The following SLAIN2 variants were observed in gnomAD, a reference collection of about 807,000 sequenced individuals.
The protein encoded by SLAIN2 is SLAIN motif-containing protein 2.
In SLAIN2, 31 loss-of-function variants were observed where a neutral mutation model predicts 56.6. The observed-to-expected ratio is 0.55, with a 90% CI of 0.41 to 0.74. The LOEUF (loss-of-function observed/expected upper bound fraction) is 0.74. Among genes scored for constraint, SLAIN2 ranks in the 30% least tolerant of loss-of-function variants. SLAIN2 has a pLI of 0.00. For synonymous variants in SLAIN2, 317 were observed against 284.9 expected (o/e 1.11, Z -1.13); for missense variants, 777 against 754.2 (o/e 1.03, Z -0.35).
At position 48,342,063 on chromosome 4, in the gene SLAIN2, G is replaced by C; in HGVS notation, c.324G>C (p.Glu108Asp). ...LAAGEGGLLD[E>D]VEPLRPDELE... ...CGGGCGAGGGCGGCTTGCTGGACGAGGTGGAGCCGCTGCGGCCCGACGAGC... is the reference window on the plus strand; with the variant it reads ...CGGGCGAGGGCGGCTTGCTGGACGACGTGGAGCCGCTGCGGCCCGACGAGC... Residue 108 changes from glutamate (E) to aspartate (D), a missense_variant, in exon 1 of 8, where the codon GAG (glutamate) becomes GAC (aspartate). Glu to Asp is a conservative substitution (Grantham distance 45). Coordinates refer to ENST00000264313, the MANE Select transcript of SLAIN2 (RefSeq NM_020846.2). 1 of 1,382,112 alleles carries C rather than the reference G, an allele frequency of 7.2e-7. No homozygotes were observed. The highest frequency in any genetic ancestry group is 9.3e-7 in the Non-Finnish European group (1 of 1,075,950). 85.6% of individuals were successfully genotyped at this position (1,382,112 alleles called of 1,614,324 possible).
chr4:48,371,214 A>G (rs1715656461), intron 2 of SLAIN2, among the ~76,000 whole-genome samples: 1 of 151,156 alleles, frequency 6.6e-6, no homozygotes, highest in South Asian at 2.1e-4. Flanking sequence ...GCTGGGACTA[A>G]GGTGCCCACC....
chr4:48,396,448 T>G (rs1282751749), intron 6 of SLAIN2, among the ~76,000 whole-genome samples: 1 of 152,184 alleles, frequency 6.6e-6, no homozygotes, highest in Non-Finnish European at 1.5e-5. Context: ...AAGGTAAGAT[T>G]TAAAATATTA....
chr4:48,376,913 CTTTTTTTT>C (rs11347630), intron 2 of SLAIN2, among the ~76,000 whole-genome samples: 1 of 111,748 alleles, frequency 8.9e-6, no homozygotes. Flanking sequence ...GCCCGGCCGA[CTTTTTTTT>C]TTTTTTTTTT....
intron 1 of SLAIN2, among the ~76,000 whole-genome samples, chr4:48,362,732 C>CTTT (rs397716685): frequency 1.6e-3 from 187 of 116,380 alleles, no homozygotes; most frequent in East Asian, 0.013. Flanking sequence ...TTTTAAATTT[C>CTTT]TTTTTTTTTT....
At chr4:48,344,896 A>G (rs1160739240) in intron 1 of SLAIN2, among the ~76,000 whole-genome samples, 1 of 152,126 alleles carries the variant, frequency 6.6e-6, no homozygotes, top group Non-Finnish European at 1.5e-5. Context: ...TGATTTTGTG[A>G]CCCATTAAAG....
chr4:48,368,650 G>A (rs890858971), intron 1 of SLAIN2, among the ~76,000 whole-genome samples: 1 of 152,150 alleles, frequency 6.6e-6, no homozygotes, highest in Non-Finnish European at 1.5e-5. Context: ...AATCTTTGCA[G>A]TATTTAAATT....
rs1273992475 is a variant in SLAIN2 at position 48,383,676 on chromosome 4, T to C, written c.1252T>C (p.Ser418Pro). ...EKLRRSLPNL[S>P]RTSNTQVDSV... ...ACTAAGACGCAGTCTTCCAAACCTGTCCCGAACATCTAATACACAAGTTGA... is the reference window on the plus strand; with the variant it reads ...ACTAAGACGCAGTCTTCCAAACCTGCCCCGAACATCTAATACACAAGTTGA... The change falls in exon 6 of 8, where the codon TCC becomes CCC. Residue 418 changes from serine to proline, a missense_variant. Coordinates refer to ENST00000264313, the MANE Select transcript of SLAIN2 (RefSeq NM_020846.2). 1.2e-6 allele frequency: 2 copies of C among 1,604,516 alleles called. No individual in the cohort carries two copies. The highest frequency in any genetic ancestry group is 3.4e-5 in the Admixed American group (2 of 59,214).
chr4:48,349,682 G>A (rs1714961428), intron 1 of SLAIN2, among the ~76,000 whole-genome samples: 2 of 152,252 alleles, frequency 1.3e-5, no homozygotes, highest in African/African-American at 4.8e-5. Flanking sequence ...ATTTAAGTCA[G>A]TTTTATTACT....
intron 6 of SLAIN2, among the ~76,000 whole-genome samples, chr4:48,404,692 C>G (rs1023125513): frequency 6.6e-6 from 1 of 152,192 alleles, no homozygotes; most frequent in African/African-American, 2.4e-5. Flanking sequence ...TACATTTAGA[C>G]TTAATAATGT....
chr4:48,421,783 C>G (rs1373598953), intron 7 of SLAIN2, among the ~76,000 whole-genome samples: 3 of 151,022 alleles, frequency 2.0e-5, no homozygotes, highest in African/African-American at 7.3e-5. Context: ...TATCTAGTAG[C>G]TATGTTAACA....
rs1305026426 is a variant in SLAIN2, at chr4:48,394,643, T to C, written c.1360+10859T>C. The C allele has an allele frequency of 8.5e-6, 13 of 1,535,828 alleles. No individual in the cohort carries two copies. The East Asian group carries it at 9.8e-5, about 12-fold the overall frequency. On this transcript the variant is annotated intron_variant, in intron 6 of 7. Coordinates refer to ENST00000264313, the MANE Select transcript of SLAIN2 (RefSeq NM_020846.2). ...CCAAACAGTTGCTTCAAACTTCATC[T>C]ACAAAAAGAGGTAACTACAGCCTCT...
chr4:48,346,167 C>T (rs1714859509), intron 1 of SLAIN2, among the ~76,000 whole-genome samples: 1 of 152,204 alleles, frequency 6.6e-6, no homozygotes, highest in African/African-American at 2.4e-5. Flanking sequence ...TTCCTTTCTT[C>T]ACAAACTTTT....
At position 48,401,419 on chromosome 4, in the gene SLAIN2, G is replaced by C. The variant is rs570640625; in HGVS notation, c.1360+17635G>C. On this transcript the variant is annotated intron_variant, in intron 6 of 7. Transcript: ENST00000264313. The stretch of plus-strand genomic sequence containing the variant: ...ATTGTGTGGGAGTCTAAGTCTCTTT[G>C]TAGGTCTCTAAGAACTTGCTTTATG... 2.4e-3 allele frequency among the ~76,000 whole-genome samples: 364 copies of C among 152,292 alleles called. 24 individuals are homozygous for C. In the South Asian group the frequency reaches 0.064, roughly 27 times the overall value.
rs886570474 is a variant in SLAIN2, at chr4:48,341,736, C to T, written c.-4C>T. The T allele has an allele frequency of 6.5e-6, 10 of 1,529,044 alleles. No individual in the cohort carries two copies. Among genetic ancestry groups the T allele is most frequent in the African/African-American group, 5.7e-5 (4 of 70,510 alleles). The allele number at this position is 1,529,044 out of a possible 1,614,324, so 94.7% of individuals were successfully genotyped here. On this transcript the variant is annotated 5_prime_UTR_variant, in exon 1 of 8. Coordinates refer to ENST00000264313, the MANE Select transcript of SLAIN2 (RefSeq NM_020846.2). ...GCGGAGGCGGCGGCGGCGGCGGGGCCGGGATGGAGGACGTTAACTCCAACG... is the reference window on the plus strand; with the variant it reads ...GCGGAGGCGGCGGCGGCGGCGGGGCTGGGATGGAGGACGTTAACTCCAACG...
chr4:48,383,899 T>A (rs1238062603), intron 6 of SLAIN2, 115 bp downstream of exon 6: 1 of 1,125,664 alleles, frequency 8.9e-7, no homozygotes, highest in Admixed American at 2.7e-5. Flanking sequence ...TTTTAAACCA[T>A]AGCTATAGTA....
intron 6 of SLAIN2, among the ~76,000 whole-genome samples, chr4:48,414,746 C>T (rs1577740075): frequency 9.7e-6 from 1 of 103,062 alleles, no homozygotes; most frequent in Admixed American, 1.0e-4. Flanking sequence ...GTGTGATATT[C>T]CCCTTCCTGT....
In SLAIN2 at chr4:48,422,428, A is replaced by G. The variant is rs908706482; in HGVS notation, c.*351A>G. On this transcript the variant is annotated 3_prime_UTR_variant, in exon 8 of 8. Coordinates refer to ENST00000264313, the MANE Select transcript of SLAIN2 (RefSeq NM_020846.2). Reference sequence around the variant, plus strand: ...CCATTTGTAAATGAGAAAAATGCCCATTTGTGCACAAGAAAATGGTGAATT... The same window carrying G: ...CCATTTGTAAATGAGAAAAATGCCCGTTTGTGCACAAGAAAATGGTGAATT... 3 of 197,166 alleles carry G rather than the reference A, an allele frequency of 1.5e-5. No individual in the cohort carries two copies. The highest frequency in any genetic ancestry group is 7.0e-5 in the African/African-American group (3 of 42,706). The allele number at this position is 197,166 out of a possible 1,614,324, so 12.2% of individuals were successfully genotyped here.
In SLAIN2 at chr4:48,399,808, T is replaced by C. The variant is rs181612374; in HGVS notation, c.1360+16024T>C. On this transcript the variant is annotated intron_variant, in intron 6 of 7. Coordinates refer to ENST00000264313, the MANE Select transcript of SLAIN2 (RefSeq NM_020846.2). ...CTGTTTATGTGATGAATTACATTTA[T>C]TGATTTGCGTATGTTGAACCAACCT... 1.8e-3 allele frequency among the ~76,000 whole-genome samples: 274 copies of C among 152,338 alleles called. 1 individual carries two copies. The highest frequency in any genetic ancestry group is 6.8e-3 in the Middle Eastern group (2 of 294).
At chr4:48,411,600 T>C (rs970686869) in intron 6 of SLAIN2, among the ~76,000 whole-genome samples, 3 of 108,276 alleles carry the variant, frequency 2.8e-5, no homozygotes, top group African/African-American at 3.0e-5. Context: ...GATTATCTTC[T>C]GAGTTTTTTT....
Sources: gnomAD v4.1 joint callset for allele counts (sites outside exome capture counted in the v4.1 genomes callset) on GRCh38, gnomAD v4.1.1 for gene constraint, MANE v1.5 for transcripts, NCBI Gene and HGNC (gene_info 2026-07-23, HGNC 2026-07-21) for gene names.